Variants in KCNJ6 observed in about 807,000 individuals in gnomAD.
KCNJ6 encodes potassium inwardly rectifying channel subfamily J member 6.
A neutral mutation model predicts 34.2 loss-of-function variants in KCNJ6; 9 were observed. The observed-to-expected ratio is 0.26, with a 90% CI of 0.16 to 0.46. The LOEUF (loss-of-function observed/expected upper bound fraction) is 0.46, where lower values mean the gene tolerates loss of function less well. KCNJ6 is among the 20% of genes least tolerant of loss of function. The pLI is 1.00. For missense variants in KCNJ6, 236 were observed against 531.3 expected (o/e 0.44, Z 5.46); for synonymous variants, 196 against 207.1 (o/e 0.95, Z 0.46).
rs78948923 is a variant in KCNJ6, at chr21:37,875,776, G to T, written c.-27-35067C>A. On this transcript the variant is annotated intron_variant, in intron 1 of 3. Transcript: ENST00000609713. Reference sequence around the variant, plus strand: ...CCCACAAACCCGGCCTCCAGAAAATGGAACTCTTGTGCTAGTCTGCAGGTG... The same window carrying T: ...CCCACAAACCCGGCCTCCAGAAAATTGAACTCTTGTGCTAGTCTGCAGGTG... 2.2e-3 allele frequency among the ~76,000 whole-genome samples: 328 copies of T among 152,324 alleles called. 1 individual carries two copies. Among genetic ancestry groups the T allele is most frequent in the Non-Finnish European group, 4.0e-3 (271 of 68,032 alleles).
chr21:37,637,620 G>C lies in KCNJ6; in HGVS notation c.947-12136C>G, dbSNP rs150563272. ...ATGATCTTATGTGTGAGCAAACTAAGGCAAAGACAGATTAAGTAACTTCTC... is the reference window on the plus strand; with the variant it reads ...ATGATCTTATGTGTGAGCAAACTAACGCAAAGACAGATTAAGTAACTTCTC... On this transcript the variant is annotated intron_variant, in intron 3 of 3. Coordinates refer to ENST00000609713, the MANE Select transcript of KCNJ6 (RefSeq NM_002240.5). Among the ~76,000 whole-genome samples, 110 of 152,248 alleles carry C rather than the reference G, an allele frequency of 7.2e-4. 1 individual carries two copies. The East Asian group carries it at 0.021, about 29-fold the overall frequency.
intron 3 of KCNJ6, among the ~76,000 whole-genome samples, chr21:37,709,877 C>T: frequency 6.6e-6 from 1 of 152,204 alleles, no homozygotes; most frequent in East Asian, 1.9e-4. Context: ...GATGGGTTGC[C>T]TTCACCTATT....
chr21:37,821,161 AC>A (rs1381060608), intron 2 of KCNJ6, among the ~76,000 whole-genome samples: 3 of 152,146 alleles, frequency 2.0e-5, no homozygotes, highest in African/African-American at 7.2e-5. Flanking sequence ...ATTTGTTCTG[AC>A]CCCAGTATAA....
chr21:37,816,536 G>A (rs1362333487), intron 2 of KCNJ6, among the ~76,000 whole-genome samples: 3 of 152,236 alleles, frequency 2.0e-5, no homozygotes, highest in Non-Finnish European at 4.4e-5. Context: ...TTTTGTGTAA[G>A]TCTGTGACCT....
intron 3 of KCNJ6, among the ~76,000 whole-genome samples, chr21:37,710,869 G>A (rs1206839194): frequency 6.6e-6 from 1 of 152,206 alleles, no homozygotes; most frequent in Non-Finnish European, 1.5e-5. Flanking sequence ...TATATCTGCA[G>A]ATGAGACACA....
At chr21:37,744,769 TG>T (rs2123478660) in intron 2 of KCNJ6, among the ~76,000 whole-genome samples, 1 of 152,060 alleles carries the variant, frequency 6.6e-6, no homozygotes, top group Non-Finnish European at 1.5e-5. Context: ...AAGGCAACAG[TG>T]GGGGGTGTGT....
At chr21:37,743,325 C>T (rs917502102) in intron 2 of KCNJ6, among the ~76,000 whole-genome samples, 2 of 151,988 alleles carry the variant, frequency 1.3e-5, no homozygotes, top group Non-Finnish European at 2.9e-5. Flanking sequence ...CATGTGTATG[C>T]GTGTGTATAT....
chr21:37,861,547 A>G (rs185050871), intron 1 of KCNJ6, among the ~76,000 whole-genome samples: 4 of 152,260 alleles, frequency 2.6e-5, no homozygotes, highest in Admixed American at 2.0e-4. Context: ...AGGGCATGCA[A>G]TTTAGCCCCT....
chr21:37,679,251 C>G (rs1278115054), intron 3 of KCNJ6, among the ~76,000 whole-genome samples: 1 of 152,194 alleles, frequency 6.6e-6, no homozygotes, highest in Non-Finnish European at 1.5e-5. Flanking sequence ...CTAAGTAGCT[C>G]CTGAATTCTA....
intron 3 of KCNJ6, among the ~76,000 whole-genome samples, chr21:37,689,616 C>T (rs1438692606): frequency 6.6e-6 from 1 of 152,112 alleles, no homozygotes; most frequent in Non-Finnish European, 1.5e-5. Context: ...TCTCTTCCTT[C>T]CTCTCTCCAT....
rs146437063 is a variant in KCNJ6 at position 37,790,960 on chromosome 21, G to T, written c.25+49698C>A. The stretch of plus-strand genomic sequence containing the variant: ...CCATTACTTCCCACTGTTTATCACA[G>T]TTGGATTGCAAAAGCCAATTTACGT... On this transcript the variant is annotated intron_variant, in intron 2 of 3. Coordinates refer to ENST00000609713, the MANE Select transcript of KCNJ6 (RefSeq NM_002240.5). Among the ~76,000 whole-genome samples the T allele has an allele frequency of 3.5e-3, 529 of 152,308 alleles. 2 individuals carry two copies. Among genetic ancestry groups the T allele is most frequent in the Non-Finnish European group, 5.0e-3 (340 of 68,028 alleles).
At position 37,683,676 on chromosome 21, in the gene KCNJ6, G is replaced by A. The variant is rs2123420632; in HGVS notation, c.946+30535C>T. On this transcript the variant is annotated intron_variant, in intron 3 of 3. Transcript: ENST00000609713. ...CAAAGCCTGGCAGGGAGGTAGAAAG[G>A]AAGACAGGACAGAAGCCAACCCCAA... Among the ~76,000 whole-genome samples, 2 of 152,216 alleles carry A rather than the reference G, an allele frequency of 1.3e-5. 1 individual carries two copies. The highest frequency in any genetic ancestry group is 1.3e-4 in the Admixed American group (2 of 15,282).
chr21:37,635,901 C>T (rs994511339), intron 3 of KCNJ6, among the ~76,000 whole-genome samples: 10 of 152,214 alleles, frequency 6.6e-5, no homozygotes, highest in Admixed American at 2.0e-4. Context: ...ATTAAAAAAT[C>T]ACCTAATTCC....
At chr21:37,720,900 G>C (rs2054822761) in intron 2 of KCNJ6, among the ~76,000 whole-genome samples, 1 of 151,496 alleles carries the variant, frequency 6.6e-6, no homozygotes, top group African/African-American at 2.4e-5. Context: ...GTAGAGACGG[G>C]GTTTCACCTT....
chr21:37,714,684 C>T lies in KCNJ6; in HGVS notation c.473G>A (p.Arg158Gln), dbSNP rs780695680. The T allele has an allele frequency of 6.2e-7, 1 of 1,614,036 alleles. No individual in the cohort carries two copies. The highest frequency in any genetic ancestry group is 8.5e-7 in the Non-Finnish European group (1 of 1,179,974). Residue 158 changes from arginine to glutamine, a missense_variant, in exon 3 of 4, where the codon CGG (arginine) becomes CAG (glutamine). Coordinates refer to ENST00000609713, the MANE Select transcript of KCNJ6 (RefSeq NM_002240.5). The surrounding 1 kb of genome is among the most constrained non-coding windows in gnomAD (Gnocchi z 5.9). ...CTCTGGGCATTTATCTGTGATGACCCGGTAGCCATAACCAATGGTGGTTTC... is the reference window on the plus strand; with the variant it reads ...CTCTGGGCATTTATCTGTGATGACCTGGTAGCCATAACCAATGGTGGTTTC... ...ETETTIGYGY[R>Q]VITDKCPEGI...
intron 1 of KCNJ6, among the ~76,000 whole-genome samples, chr21:37,854,806 A>G (rs181620380): frequency 2.0e-5 from 3 of 152,394 alleles, no homozygotes; most frequent in Non-Finnish European, 2.9e-5. Flanking sequence ...TAATCAACCA[A>G]GAATACATAG....
intron 2 of KCNJ6, among the ~76,000 whole-genome samples, chr21:37,810,402 C>T (rs2055316785): frequency 6.6e-6 from 1 of 152,158 alleles, no homozygotes; most frequent in Non-Finnish European, 1.5e-5. Context: ...CTTTAGGAGG[C>T]AGGGCTAGAA....
In KCNJ6 at chr21:37,617,692, A is replaced by G. The variant is rs1455935343; in HGVS notation, c.*7467T>C. 6.6e-6 allele frequency: 1 copy of G among 152,236 alleles called. No homozygotes were observed. The highest frequency in any genetic ancestry group is 1.5e-5 in the Non-Finnish European group (1 of 68,050). 9.4% of individuals were successfully genotyped at this position (152,236 alleles called of 1,614,324 possible). On this transcript the variant is annotated 3_prime_UTR_variant, in exon 4 of 4. Transcript: ENST00000609713. ...CGGCATCGTGATACCAAAACGTGAG[A>G]CTTCCTAGAGAAAAGAGAATTAGAT... is the stretch of plus-strand genomic sequence containing the variant.
chr21:37,855,521 T>C (rs1319319531), intron 1 of KCNJ6, among the ~76,000 whole-genome samples: 3 of 152,338 alleles, frequency 2.0e-5, no homozygotes, highest in African/African-American at 7.2e-5. Flanking sequence ...GATTTGCATC[T>C]TTTGTGCAGT....
Sources: allele counts gnomAD v4.1 joint callset (sites outside exome capture counted in the v4.1 genomes callset), GRCh38; gene constraint gnomAD v4.1.1; non-coding constraint Gnocchi (gnomAD v3.1); transcripts MANE v1.5; gene names NCBI Gene and HGNC (gene_info 2026-07-23, HGNC 2026-07-21).